The following SATB1 variants were observed in gnomAD, a reference collection of about 807,000 sequenced individuals.
SATB1 encodes SATB homeobox 1.
In SATB1, 11 loss-of-function variants were observed where a neutral mutation model predicts 86.9. The ratio of observed to expected loss-of-function variants is 0.13; its 90% CI spans 0.08 to 0.21. SATB1 has a LOEUF of 0.21. Among genes scored for constraint, SATB1 ranks in the 10% least tolerant of loss-of-function variants. The pLI, the probability that SATB1 is intolerant of heterozygous loss-of-function variation, is 1.00. For synonymous variants in SATB1, 357 were observed against 357.2 expected, an observed-to-expected ratio of 1.00 and a Z score of 0.01; for missense variants, 551 against 937.6, an observed-to-expected ratio of 0.59 and a Z score of 5.39.
At chr3:18,388,364 C>G (rs1696452921) in intron 7 of SATB1, among the ~76,000 whole-genome samples, 1 of 151,938 alleles carries the variant, frequency 6.6e-6, no homozygotes, top group African/African-American at 2.4e-5. Flanking sequence ...ATGAAATAAC[C>G]CTTGCTCTTT....
intron 2 of SATB1, among the ~76,000 whole-genome samples, chr3:18,419,288 C>CA (rs1698270674): frequency 7.6e-6 from 1 of 132,294 alleles, no homozygotes; most frequent in African/African-American, 2.5e-5. Flanking sequence ...TAGTGTTTGG[C>CA]GAGAGTTCCA....
intron 1 of SATB1, chr3:18,445,303 C>CGCCGCT (rs1007039760): frequency 2.9e-4 from 289 of 985,646 alleles, no homozygotes; most frequent in South Asian, 5.0e-4. Flanking sequence ...CCGCCGCCGC[C>CGCCGCT]GCCGCTGCTG....
At chr3:18,412,109 C>G (rs1276698469) in intron 5 of SATB1, among the ~76,000 whole-genome samples, 1 of 151,938 alleles carries the variant, frequency 6.6e-6, no homozygotes, top group Non-Finnish European at 1.5e-5. Context: ...GTAGCTAAAT[C>G]AGCACTTTAA....
Position 18,397,173 on chromosome 3 carries a change from G to T in SATB1, c.751+6C>A. The T allele has an allele frequency of 2.0e-6, 3 of 1,489,484 alleles. No individual in the cohort carries two copies. Among genetic ancestry groups the T allele is most frequent in the South Asian group, 1.1e-5 (1 of 88,182 alleles). The allele number at this position is 1,489,484 out of a possible 1,614,324, so 92.3% of individuals were successfully genotyped here. On this transcript the variant is annotated splice_donor_region_variant and intron_variant, in intron 6 of 10. Coordinates refer to ENST00000338745, the MANE Select transcript of SATB1 (RefSeq NM_002971.6). Reference sequence around the variant, plus strand: ...TAGCCACTGCTGCAATGTTTTTTTTGCTTACCCATCATATCTTTTGTCTTC... The same window carrying T: ...TAGCCACTGCTGCAATGTTTTTTTTTCTTACCCATCATATCTTTTGTCTTC...
intron 10 of SATB1, chr3:18,351,552 G>A (rs1280872706): frequency 1.3e-5 from 8 of 627,426 alleles, no homozygotes; most frequent in Admixed American, 6.0e-5. Context: ...TCCTCTTTCT[G>A]GACAGAATCC....
chr3:18,369,664 A>G (rs1415567551), intron 9 of SATB1, among the ~76,000 whole-genome samples: 1 of 144,638 alleles, frequency 6.9e-6, no homozygotes, highest in Non-Finnish European at 1.5e-5. Flanking sequence ...ACTGCATTCA[A>G]GATTTACAGG....
At chr3:18,426,333 CA>C (rs985600576), upstream of SATB1, among the ~76,000 whole-genome samples, 1 of 152,136 alleles carries the variant, frequency 6.6e-6, no homozygotes, top group Non-Finnish European at 1.5e-5. The surrounding 1 kb of genome is among the most constrained non-coding windows in gnomAD (Gnocchi z 4.2). Context: ...CCGAGTTAAA[CA>C]AAATTTGGGT....
chr3:18,436,145 A>G (rs1354205039), intron 2 of SATB1, among the ~76,000 whole-genome samples: 1 of 152,134 alleles, frequency 6.6e-6, no homozygotes, highest in African/African-American at 2.4e-5. Context: ...ATATACAAAC[A>G]CTCCAAATCT....
chr3:18,427,208 A>C (rs950844691), upstream of SATB1, among the ~76,000 whole-genome samples: 5 of 152,208 alleles, frequency 3.3e-5, no homozygotes, highest in Non-Finnish European at 7.3e-5. Context: ...AGAAATAGAA[A>C]TATGGTAGGT....
intron 1 of SATB1, chr3:18,445,455 G>T (rs2125218218): frequency 1.0e-6 from 1 of 985,334 alleles, no homozygotes; most frequent in East Asian, 1.1e-4. Context: ...AAGTGTGGGC[G>T]CTTGGGGGTG....
chr3:18,347,696 T>C lies in SATB1; in HGVS notation c.*1474A>G, dbSNP rs1431834171. On this transcript the variant is annotated 3_prime_UTR_variant, in exon 11 of 11. Coordinates refer to ENST00000338745, the MANE Select transcript of SATB1 (RefSeq NM_002971.6). ...GGATTTGTTTTTGTCGGAGAGTCTT[T>C]TGACCATCCTATCTCTACTTATTAA... The C allele has an allele frequency of 6.6e-6, 1 of 152,242 alleles. No homozygotes were observed. The highest frequency in any genetic ancestry group is 1.5e-5 in the Non-Finnish European group (1 of 68,042). 9.4% of individuals were successfully genotyped at this position (152,242 alleles called of 1,614,324 possible). A position where few individuals can be genotyped will look rare whatever the true frequency, so the allele number is the denominator to read the frequency against.
At chr3:18,396,647 T>C (rs1273032713) in intron 6 of SATB1, among the ~76,000 whole-genome samples, 1 of 152,180 alleles carries the variant, frequency 6.6e-6, no homozygotes, top group East Asian at 1.9e-4. Flanking sequence ...GATGCAATAA[T>C]TGTTCTGGTA....
intron 9 of SATB1, among the ~76,000 whole-genome samples, chr3:18,366,262 T>C (rs2095624726): frequency 6.6e-6 from 1 of 151,264 alleles, no homozygotes; most frequent in African/African-American, 2.5e-5. Context: ...TTTTTTTTTT[T>C]CAAGGTATTC....
At chr3:18,354,440 C>A (rs77087059) in intron 9 of SATB1, among the ~76,000 whole-genome samples, 1 of 152,076 alleles carries the variant, frequency 6.6e-6, no homozygotes, top group Non-Finnish European at 1.5e-5. Flanking sequence ...GTTTTATATA[C>A]CTTTCAAAAG....
chr3:18,405,404 T>C (rs1697472282), intron 5 of SATB1, among the ~76,000 whole-genome samples: 1 of 151,868 alleles, frequency 6.6e-6, no homozygotes, highest in Admixed American at 6.6e-5. Context: ...AAATAGAGCC[T>C]TTTAAAAAAA....
intron 9 of SATB1, among the ~76,000 whole-genome samples, chr3:18,367,881 T>G (rs1459219180): frequency 1.3e-5 from 2 of 152,216 alleles, no homozygotes; most frequent in African/African-American, 4.8e-5. Context: ...AATTTAGGAC[T>G]CCTTTTAATG....
chr3:18,420,404 TAA>T (rs775790765), intron 2 of SATB1, among the ~76,000 whole-genome samples: 15 of 152,140 alleles, frequency 9.9e-5, no homozygotes, highest in Non-Finnish European at 1.9e-4. Context: ...TCAAATCACC[TAA>T]GTGTTTTATT....
intron 8 of SATB1, among the ~76,000 whole-genome samples, chr3:18,385,802 C>T (rs1696314090): frequency 6.6e-6 from 1 of 151,960 alleles, no homozygotes; most frequent in African/African-American, 2.4e-5. Context: ...CAAAGTTACC[C>T]GGAAGGCAAC....
At chr3:18,376,459 G>A (rs1301563518) in intron 9 of SATB1, among the ~76,000 whole-genome samples, 1 of 150,602 alleles carries the variant, frequency 6.6e-6, no homozygotes, top group Non-Finnish European at 1.5e-5. Flanking sequence ...CTGATGATCG[G>A]ACAGGTCAGA....
Sources: gnomAD v4.1 joint callset for allele counts (sites outside exome capture counted in the v4.1 genomes callset) on GRCh38, gnomAD v4.1.1 for gene constraint, Gnocchi (gnomAD v3.1) non-coding constraint, MANE v1.5 for transcripts, NCBI Gene and HGNC (gene_info 2026-07-23, HGNC 2026-07-21) for gene names.